The following SRPK2 variants were observed in gnomAD, a reference collection of about 807,000 sequenced individuals.
SRPK2 encodes the protein SRSF protein kinase 2.
SRPK2 carries 21 observed loss-of-function variants against 90.8 expected under a neutral mutation model. The observed-to-expected ratio is 0.23, with a 90% CI of 0.16 to 0.33. The LOEUF (loss-of-function observed/expected upper bound fraction) is 0.33, where lower values mean the gene tolerates loss of function less well. Ranked by LOEUF, SRPK2 falls within the 10% of genes least tolerant of loss-of-function variation. SRPK2 has a pLI of 1.00. For synonymous variants in SRPK2, 288 were observed against 311.1 expected, an observed-to-expected ratio of 0.93 and a Z score of 0.78; for missense variants, 620 against 869.0, an observed-to-expected ratio of 0.71 and a Z score of 3.60.
At chr7:105,124,757 A>C (rs181957049) in intron 15 of SRPK2, among the ~76,000 whole-genome samples, 1 of 152,072 alleles carries the variant, frequency 6.6e-6, no homozygotes, top group African/African-American at 2.4e-5. Context: ...ATCAACTTTA[A>C]AAGTTCTTTA....
intron 15 of SRPK2, among the ~76,000 whole-genome samples, chr7:105,122,534 C>T (rs1584857106): frequency 6.6e-6 from 1 of 152,192 alleles, no homozygotes; most frequent in African/African-American, 2.4e-5. Flanking sequence ...TTGCTCTTTA[C>T]AGCATCAAAA....
rs1584935401 is a variant in SRPK2 at position 105,143,189 on chromosome 7, A to C, written c.955T>G (p.Ser319Ala). 6.2e-7 allele frequency: 1 copy of C among 1,614,138 alleles called. No homozygotes were observed. The highest frequency in any genetic ancestry group is 1.3e-5 in the African/African-American group (1 of 75,036). Residue 319 changes from serine (S) to alanine (A), a missense_variant, in exon 10 of 16, where the codon TCA (serine) becomes GCA (alanine). Physicochemically the swap from Ser to Ala is moderately conservative, Grantham distance 99. Transcript: ENST00000393651. ...ERKIIEENITSAAPSNDQDGE... is the reference protein window; with the variant it reads ...ERKIIEENITAAAPSNDQDGE... ...TCCTGGTCATTGGAAGGTGCAGCTGAGGTGATGTTTTCTTCTATTATTTTC... is the reference window on the plus strand; with the variant it reads ...TCCTGGTCATTGGAAGGTGCAGCTGCGGTGATGTTTTCTTCTATTATTTTC...
intron 2 of SRPK2, among the ~76,000 whole-genome samples, chr7:105,272,998 A>G (rs1449460733): frequency 6.6e-6 from 1 of 151,856 alleles, no homozygotes; most frequent in South Asian, 2.1e-4. Flanking sequence ...GCAAATCACG[A>G]AGGTCAGGAG....
chr7:105,362,693 C>T lies in SRPK2; in HGVS notation c.71+25955G>A, dbSNP rs548912666. Among the ~76,000 whole-genome samples the T allele has an allele frequency of 1.5e-4, 23 of 152,136 alleles. No homozygotes were observed. The South Asian group carries it at 3.5e-3, about 23-fold the overall frequency. On this transcript the variant is annotated intron_variant, in intron 2 of 15. Transcript: ENST00000393651. The stretch of plus-strand genomic sequence containing the variant: ...CCATTTCACCCAGCCATCCCATTAA[C>T]GGGTATATACCCAAAGGATTATAAA...
intron 2 of SRPK2, among the ~76,000 whole-genome samples, chr7:105,354,691 C>G (rs1279617675): frequency 6.6e-6 from 1 of 152,200 alleles, no homozygotes; most frequent in Non-Finnish European, 1.5e-5. Context: ...CATTGCTACT[C>G]CTAGCAGCCC....
chr7:105,173,111 G>A (rs1369290089), intron 3 of SRPK2, among the ~76,000 whole-genome samples: 1 of 151,124 alleles, frequency 6.6e-6, no homozygotes, highest in Non-Finnish European at 1.5e-5. Context: ...AATTACACAA[G>A]AGGGGCATTT....
intron 2 of SRPK2, chr7:105,244,560 C>T: frequency 3.5e-6 from 2 of 576,860 alleles, no homozygotes; most frequent in Middle Eastern, 4.7e-4. Flanking sequence ...GGCGACAGAA[C>T]GAGACTCCGT....
At chr7:105,351,456 G>A (rs1182625470) in intron 2 of SRPK2, among the ~76,000 whole-genome samples, 3 of 151,614 alleles carry the variant, frequency 2.0e-5, no homozygotes, top group African/African-American at 7.3e-5. Flanking sequence ...TCAGGAGTTT[G>A]AGACCACCCT....
At chr7:105,159,178 G>C (rs555812746) in intron 7 of SRPK2, among the ~76,000 whole-genome samples, 1 of 151,948 alleles carries the variant, frequency 6.6e-6, no homozygotes, top group Non-Finnish European at 1.5e-5. Context: ...TCATGTTACA[G>C]AATAAGCTGC....
intron 7 of SRPK2, among the ~76,000 whole-genome samples, chr7:105,150,781 T>A (rs1457018181): frequency 6.6e-6 from 1 of 152,142 alleles, no homozygotes; most frequent in East Asian, 1.9e-4. Flanking sequence ...CCCATAGAGG[T>A]CAAAGGAATA....
chr7:105,164,570 C>T (rs1460484860), intron 6 of SRPK2, among the ~76,000 whole-genome samples: 1 of 152,150 alleles, frequency 6.6e-6, no homozygotes, highest in Non-Finnish European at 1.5e-5. Flanking sequence ...AACTAAATGG[C>T]TGATATGATT....
At chr7:105,261,913 A>T (rs73715545) in intron 2 of SRPK2, among the ~76,000 whole-genome samples, 1 of 152,132 alleles carries the variant, frequency 6.6e-6, no homozygotes, top group Non-Finnish European at 1.5e-5. Flanking sequence ...TGGGAACAGC[A>T]AAACAGCCAG....
intron 2 of SRPK2, among the ~76,000 whole-genome samples, chr7:105,362,052 A>G (rs765451941): frequency 3.4e-4 from 51 of 152,180 alleles, no homozygotes; most frequent in Non-Finnish European, 7.1e-4. Flanking sequence ...ACAGAATGGG[A>G]GAAAATTTTT....
At chr7:105,246,167 C>G (rs928237136) in intron 2 of SRPK2, among the ~76,000 whole-genome samples, 2 of 152,158 alleles carry the variant, frequency 1.3e-5, no homozygotes, top group African/African-American at 4.8e-5. Context: ...TACTTTCTTT[C>G]AAAGATATTT....
intron 3 of SRPK2, among the ~76,000 whole-genome samples, chr7:105,174,885 T>C (rs1791629620): frequency 6.6e-6 from 1 of 152,200 alleles, no homozygotes; most frequent in Non-Finnish European, 1.5e-5. Flanking sequence ...GGCTCATGCC[T>C]GTAATCACAA....
At chr7:105,234,052 G>T (rs1799842470) in intron 2 of SRPK2, among the ~76,000 whole-genome samples, 1 of 151,370 alleles carries the variant, frequency 6.6e-6, no homozygotes, top group Admixed American at 6.6e-5. Context: ...TTAAAATAAG[G>T]CCCAATTAAA....
chr7:105,280,713 CG>C (rs1807172431), intron 2 of SRPK2, among the ~76,000 whole-genome samples: 1 of 150,442 alleles, frequency 6.6e-6, no homozygotes, highest in Non-Finnish European at 1.5e-5. Flanking sequence ...TTTGGGAGGC[CG>C]AGGCGGGTGG....
intron 2 of SRPK2, among the ~76,000 whole-genome samples, chr7:105,313,142 A>G (rs1811906762): frequency 6.6e-6 from 1 of 152,064 alleles, no homozygotes. Flanking sequence ...GTCAAAAGGT[A>G]ATGATTTTTT....
At chr7:105,168,223 T>A in intron 4 of SRPK2, 128 bp from the exon 5 acceptor site, 1 of 707,894 alleles carries the variant, frequency 1.4e-6, no homozygotes, top group Non-Finnish European at 2.4e-6. Context: ...TAAAACATTA[T>A]GAGTGTGTCA....
Sources: allele counts gnomAD v4.1 joint callset (sites outside exome capture counted in the v4.1 genomes callset), GRCh38; gene constraint gnomAD v4.1.1; transcripts MANE v1.5; gene names NCBI Gene and HGNC (gene_info 2026-07-23, HGNC 2026-07-21).